MME: variants seen among roughly 807,000 people sequenced by gnomAD.
MME encodes the protein neprilysin.
In MME, 98 loss-of-function variants were observed where a neutral mutation model predicts 113.2. The ratio of observed to expected loss-of-function variants is 0.87; its 90% CI spans 0.74 to 1.02. The LOEUF (loss-of-function observed/expected upper bound fraction) is 1.02, where lower values mean the gene tolerates loss of function less well. MME is among the 50% of genes least tolerant of loss of function. MME has a pLI of 0.00. For missense variants in MME, 836 were observed against 896.0 expected (o/e 0.93, Z 0.86); for synonymous variants, 292 against 300.6 (o/e 0.97, Z 0.30).
chr3:155,115,481 T>C (rs896965233), intron 4 of MME, among the ~76,000 whole-genome samples: 2 of 152,162 alleles, frequency 1.3e-5, no homozygotes, highest in South Asian at 2.1e-4. Flanking sequence ...CAGGCTGGAG[T>C]GCAATGGTGC....
Position 155,144,406 on chromosome 3 carries a change from A to G in MME, c.1365A>G (p.Leu455=). The change falls in exon 14 of 23, where the codon TTA becomes TTG. Residue 455 remains leucine, a synonymous_variant. Transcript: ENST00000360490. ...TCCGAGAAGTTTTTATTCAGACTTTAGATGACCTCACTTGGATGGATGCCG... is the reference window on the plus strand; with the variant it reads ...TCCGAGAAGTTTTTATTCAGACTTTGGATGACCTCACTTGGATGGATGCCG... ...AQIREVFIQT[L]DDLTWMDAET... 6.2e-7 allele frequency: 1 copy of G among 1,613,326 alleles called. No homozygotes were observed. The highest frequency in any genetic ancestry group is 1.1e-5 in the South Asian group (1 of 91,074).
chr3:155,060,200 GAGAC>G (rs1263678369), intron 1 of MME, among the ~76,000 whole-genome samples: 2 of 152,154 alleles, frequency 1.3e-5, no homozygotes, highest in Admixed American at 1.3e-4. Context: ...TCACAGCTGT[GAGAC>G]AGCCACTTTG....
At position 155,148,500 on chromosome 3, in the gene MME, T is replaced by C. The variant is rs1308846040; in HGVS notation, c.1498-50T>C. ...AATCCCTATGTTTTTAGCAAAAATT[T>C]AGAAGATACCGGTTTTAATATTTCT... On this transcript the variant is annotated intron_variant, in intron 15 of 22. Coordinates refer to ENST00000360490, the MANE Select transcript of MME (RefSeq NM_007289.4). The C allele has an allele frequency of 5.5e-6, 7 of 1,272,496 alleles. No homozygotes were observed. The African/African-American group carries it at 8.9e-5, about 16-fold the overall frequency. The allele number at this position is 1,272,496 out of a possible 1,614,324, so 78.8% of individuals were successfully genotyped here.
chr3:155,090,791 T>A (rs539283142), intron 3 of MME, among the ~76,000 whole-genome samples: 5 of 152,352 alleles, frequency 3.3e-5, no homozygotes, highest in African/African-American at 1.2e-4. Context: ...CATACTGATT[T>A]AATCAGATTT....
chr3:155,128,453 G>A (rs949451518), intron 8 of MME, among the ~76,000 whole-genome samples: 1 of 152,112 alleles, frequency 6.6e-6, no homozygotes, highest in African/African-American at 2.4e-5. Context: ...AAAAAATGGT[G>A]CGAAGTGTAG....
intron 22 of MME, 102 bp from the exon 23 acceptor site, chr3:155,180,258 A>G: frequency 1.2e-6 from 1 of 867,338 alleles, no homozygotes; most frequent in Admixed American, 1.7e-5. Context: ...TTAAATTCCA[A>G]ATTCATTCAC....
At chr3:155,138,696 C>G (rs35142333) in intron 9 of MME, among the ~76,000 whole-genome samples, 4,794 of 152,238 alleles carry the variant, frequency 0.031, 107 homozygotes, top group Middle Eastern at 0.079. Context: ...TGTGATACTA[C>G]TGAGTTCAAA....
intron 1 of MME, among the ~76,000 whole-genome samples, chr3:155,060,591 G>C (rs959819777): frequency 6.7e-6 from 1 of 149,350 alleles, no homozygotes; most frequent in Non-Finnish European, 1.5e-5. Flanking sequence ...AGAGTGGGGA[G>C]ATGTAAGGAC....
intron 22 of MME, among the ~76,000 whole-genome samples, chr3:155,178,326 G>A (rs931133109): frequency 5.9e-5 from 9 of 152,220 alleles, no homozygotes; most frequent in Middle Eastern, 3.4e-3. Context: ...TAGTTGATGC[G>A]TTGATGGGTG....
At chr3:155,078,555 G>A (rs539439153), upstream of MME, among the ~76,000 whole-genome samples, 2 of 152,104 alleles carry the variant, frequency 1.3e-5, no homozygotes, top group African/African-American at 4.8e-5. Context: ...AGCACAAGGG[G>A]ACTCTTCTCA....
intron 3 of MME, among the ~76,000 whole-genome samples, chr3:155,086,951 C>G (rs1375258205): frequency 6.6e-6 from 1 of 151,870 alleles, no homozygotes; most frequent in Non-Finnish European, 1.5e-5. Context: ...ACTATAGGCA[C>G]CTGCCACCAT....
intron 3 of MME, among the ~76,000 whole-genome samples, chr3:155,108,691 A>G (rs1340841835): frequency 1.3e-5 from 2 of 152,080 alleles, no homozygotes; most frequent in Non-Finnish European, 1.5e-5. Flanking sequence ...TGACTATCAT[A>G]TTTATGTCAA....
At chr3:155,141,238 T>G (rs1195594731) in intron 10 of MME, among the ~76,000 whole-genome samples, 2 of 152,192 alleles carry the variant, frequency 1.3e-5, no homozygotes, top group Admixed American at 6.5e-5. Flanking sequence ...ATATAATAAG[T>G]GTTTAATAAA....
At position 155,131,836 on chromosome 3, in the gene MME, T is replaced by G. The variant is rs548706676; in HGVS notation, c.721-6266T>G. On this transcript the variant is annotated intron_variant, in intron 8 of 22. Transcript: ENST00000360490. ...GGAAGCAGGTCTCTCTGCTAACAACTGCACACTAGCTGACATGCTGCTTAA... is the reference window on the plus strand; with the variant it reads ...GGAAGCAGGTCTCTCTGCTAACAACGGCACACTAGCTGACATGCTGCTTAA... Among the ~76,000 whole-genome samples, 13 of 152,294 alleles carry G rather than the reference T, an allele frequency of 8.5e-5. No individual in the cohort carries two copies. The South Asian group carries it at 2.7e-3, about 32-fold the overall frequency.
chr3:155,078,556 ACTCTT>A (rs1172627615), upstream of MME, among the ~76,000 whole-genome samples: 1 of 151,584 alleles, frequency 6.6e-6, no homozygotes, highest in Admixed American at 6.6e-5. Flanking sequence ...GCACAAGGGG[ACTCTT>A]CTCAAGCAGC....
chr3:155,086,778 A>G (rs531523300), intron 3 of MME, among the ~76,000 whole-genome samples: 24 of 152,080 alleles, frequency 1.6e-4, no homozygotes, highest in Admixed American at 7.9e-4. Flanking sequence ...AATAATTTTA[A>G]CCATTTTCTG....
At chr3:155,143,017 T>G (rs1721234346) in intron 12 of MME, among the ~76,000 whole-genome samples, 1 of 152,180 alleles carries the variant, frequency 6.6e-6, no homozygotes, top group Non-Finnish European at 1.5e-5. Context: ...ATCCTGTTAT[T>G]CTTAAATTTA....
At chr3:155,163,298 G>C (rs114051413) in intron 17 of MME, among the ~76,000 whole-genome samples, 1 of 152,050 alleles carries the variant, frequency 6.6e-6, no homozygotes. Flanking sequence ...TTGTTATATA[G>C]AGACTTACTC....
Position 155,180,427 on chromosome 3 carries a change from A to G in MME, c.2221A>G (p.Met741Val), listed in dbSNP as rs753313789. 1.2e-5 allele frequency: 20 copies of G among 1,613,596 alleles called. No homozygotes were observed. In the East Asian group the frequency reaches 1.3e-4, roughly 11 times the overall value. Residue 741 changes from methionine to valine, a missense_variant, in exon 23 of 23, where the codon ATG (methionine) becomes GTG (valine). By Grantham distance (21) the Met-to-Val change is conservative (BLOSUM62 1). Transcript: ENST00000360490. ...CTTTCACTGCCGCAAGAATTCATAC[A>G]TGAATCCAGAAAAGAAGTGCCGGGT... Reference protein sequence around the residue: ...EAFHCRKNSYMNPEKKCRVW With the variant: ...EAFHCRKNSYVNPEKKCRVW
Sources: gnomAD v4.1 joint callset for allele counts (sites outside exome capture counted in the v4.1 genomes callset) on GRCh38, gnomAD v4.1.1 for gene constraint, MANE v1.5 for transcripts, NCBI Gene and HGNC (gene_info 2026-07-23, HGNC 2026-07-21) for gene names.